KIAA0825: variants seen among roughly 807,000 people sequenced by gnomAD.
KIAA0825 encodes the protein KIAA0825.
Under a neutral mutation model 147.6 loss-of-function variants are expected in KIAA0825, and 119 were observed. The observed-to-expected ratio is 0.81, with a 90% CI of 0.69 to 0.94. KIAA0825 has a LOEUF of 0.94. KIAA0825 is among the 40% of genes least tolerant of loss of function. KIAA0825 has a pLI of 0.00. For synonymous variants in KIAA0825, 470 were observed against 518.1 expected (o/e 0.91, Z 1.26); for missense variants, 1,381 against 1,472.7 (o/e 0.94, Z 1.02).
At chr5:94,422,513 G>A (rs1754325367) in intron 14 of KIAA0825, among the ~76,000 whole-genome samples, 1 of 152,066 alleles carries the variant, frequency 6.6e-6, no homozygotes, top group South Asian at 2.1e-4. Context: ...AAATACATTA[G>A]TATGCTTTTT....
At chr5:94,390,765 G>T (rs958156991) in intron 18 of KIAA0825, among the ~76,000 whole-genome samples, 1 of 152,070 alleles carries the variant, frequency 6.6e-6, no homozygotes, top group Non-Finnish European at 1.5e-5. Context: ...TGGTTATAAG[G>T]CCTACATTAT....
At chr5:94,155,469 C>G (rs1324007502) in intron 20 of KIAA0825, among the ~76,000 whole-genome samples, 3 of 152,008 alleles carry the variant, frequency 2.0e-5, no homozygotes, top group African/African-American at 7.2e-5. Context: ...ATCCTCCTGC[C>G]TCAGCCTCCC....
intron 5 of KIAA0825, among the ~76,000 whole-genome samples, chr5:94,504,720 A>G (rs540596711): frequency 6.6e-6 from 1 of 151,138 alleles, no homozygotes; most frequent in African/African-American, 2.4e-5. Flanking sequence ...TAACATTTAG[A>G]ATTACGCCCG....
Position 94,277,976 on chromosome 5 carries a change from G to A in KIAA0825, c.3710+106392C>T, listed in dbSNP as rs193096840. On this transcript the variant is annotated intron_variant, in intron 20 of 20. Coordinates refer to ENST00000682413, the MANE Select transcript of KIAA0825 (RefSeq NM_001145678.3). ...TGTCCCTTGCAGGGACATGGATGAAGCTGGAAACCATCATCCTCAACAAAC... is the reference window on the plus strand; with the variant it reads ...TGTCCCTTGCAGGGACATGGATGAAACTGGAAACCATCATCCTCAACAAAC... Among the ~76,000 whole-genome samples the A allele has an allele frequency of 3.7e-3, 569 of 152,240 alleles. 4 individuals are homozygous for A. Among genetic ancestry groups the A allele is most frequent in the African/African-American group, 0.013 (540 of 41,554 alleles).
At chr5:94,261,782 A>G (rs970059439) in intron 20 of KIAA0825, among the ~76,000 whole-genome samples, 1 of 151,952 alleles carries the variant, frequency 6.6e-6, no homozygotes, top group Non-Finnish European at 1.5e-5. Context: ...TCTACTTCCT[A>G]TTTCACAAAC....
chr5:94,477,124 A>T lies in KIAA0825; in HGVS notation c.1214T>A (p.Leu405Gln). 6.4e-7 allele frequency: 1 copy of T among 1,550,532 alleles called. No homozygotes were observed. The highest frequency in any genetic ancestry group is 2.0e-5 in the Admixed American group (1 of 50,932). The change falls in exon 7 of 21, where the codon CTA becomes CAA. Residue 405 changes from leucine to glutamine, a missense_variant. By Grantham distance (113) the Leu-to-Gln change is moderately radical. Transcript: ENST00000682413. ...NETNIPSEQS[L>Q]PGKEATLLDF... The stretch of plus-strand genomic sequence containing the variant: ...TCCTTCACTTACCTCTTTTCCTGGT[A>T]GTGATTGCTCGGAAGGAATATTGGT...
chr5:94,381,438 T>C (rs147430857), intron 20 of KIAA0825, among the ~76,000 whole-genome samples: 7 of 152,344 alleles, frequency 4.6e-5, no homozygotes, highest in East Asian at 3.9e-4. Flanking sequence ...GAGTATTACA[T>C]TGAATCCACA....
chr5:94,568,490 A>G (rs1779183602), intron 2 of KIAA0825: 1 of 152,620 alleles, frequency 6.6e-6, no homozygotes, highest in Admixed American at 6.5e-5. Flanking sequence ...GCTAAGCCCC[A>G]TCAAACGCCT....
intron 1 of KIAA0825, among the ~76,000 whole-genome samples, chr5:94,614,006 AAT>A (rs2152446613): frequency 6.6e-6 from 1 of 152,372 alleles, no homozygotes; most frequent in African/African-American, 2.4e-5. Flanking sequence ...AATAGATACG[AAT>A]ATGTCTAAAT....
chr5:94,280,714 A>G (rs1316270602), intron 20 of KIAA0825, among the ~76,000 whole-genome samples: 5 of 152,060 alleles, frequency 3.3e-5, no homozygotes, highest in Admixed American at 6.6e-5. Context: ...GTAATGAGGT[A>G]AGGGGCACAC....
chr5:94,372,888 A>G (rs1407587189), intron 20 of KIAA0825, among the ~76,000 whole-genome samples: 1 of 152,078 alleles, frequency 6.6e-6, no homozygotes, highest in Non-Finnish European at 1.5e-5. Context: ...ATGCTTTGCC[A>G]CTTAGAAATT....
At chr5:94,334,943 G>C (rs1410755662) in intron 20 of KIAA0825, among the ~76,000 whole-genome samples, 2 of 152,144 alleles carry the variant, frequency 1.3e-5, no homozygotes, top group East Asian at 3.8e-4. Context: ...GGTGTATCAT[G>C]ATACACCAAA....
chr5:94,529,586 A>G (rs1488255073), intron 3 of KIAA0825, among the ~76,000 whole-genome samples: 1 of 151,926 alleles, frequency 6.6e-6, no homozygotes, highest in Non-Finnish European at 1.5e-5. Flanking sequence ...GAATATTTCT[A>G]GAAAATTACA....
chr5:94,557,003 C>G (rs981774995), intron 2 of KIAA0825, among the ~76,000 whole-genome samples: 1 of 152,168 alleles, frequency 6.6e-6, no homozygotes, highest in Non-Finnish European at 1.5e-5. Flanking sequence ...AAATAGCACG[C>G]CTTCCTAGTT....
At chr5:94,352,994 C>T (rs1050753399) in intron 20 of KIAA0825, among the ~76,000 whole-genome samples, 8 of 152,076 alleles carry the variant, frequency 5.3e-5, no homozygotes, top group Non-Finnish European at 4.4e-5. Flanking sequence ...TTGGGTGATG[C>T]GTGCACCAAA....
At chr5:94,526,540 GA>G (rs1769314995) in intron 3 of KIAA0825, among the ~76,000 whole-genome samples, 2 of 151,914 alleles carry the variant, frequency 1.3e-5, no homozygotes, top group African/African-American at 4.8e-5. Flanking sequence ...CCCAGTTAAT[GA>G]TGTATGCAAG....
intron 2 of KIAA0825, among the ~76,000 whole-genome samples, chr5:94,579,558 T>C (rs1466539627): frequency 6.6e-6 from 1 of 152,228 alleles, no homozygotes; most frequent in East Asian, 1.9e-4. Flanking sequence ...TGAAGGACAT[T>C]AAATACGTAA....
At chr5:94,472,601 G>A (rs1289314337) in intron 8 of KIAA0825, among the ~76,000 whole-genome samples, 1 of 152,048 alleles carries the variant, frequency 6.6e-6, no homozygotes, top group Non-Finnish European at 1.5e-5. Context: ...AAAATTAGCC[G>A]GGCGAGGTAG....
intron 2 of KIAA0825, among the ~76,000 whole-genome samples, chr5:94,551,877 T>C (rs945209340): frequency 2.0e-5 from 3 of 151,856 alleles, no homozygotes; most frequent in Non-Finnish European, 2.9e-5. Flanking sequence ...GGAAAAAATA[T>C]ATACAAATAA....
Sources: gnomAD v4.1 joint callset for allele counts (sites outside exome capture counted in the v4.1 genomes callset) on GRCh38, gnomAD v4.1.1 for gene constraint, MANE v1.5 for transcripts, NCBI Gene and HGNC (gene_info 2026-07-23, HGNC 2026-07-21) for gene names.